DCC: variants seen among roughly 807,000 people sequenced by gnomAD.
DCC encodes the protein DCC netrin 1 receptor, also known as netrin receptor DCC.
In DCC, 58 loss-of-function variants were observed where a neutral mutation model predicts 172.5. That is an observed-to-expected ratio of 0.34 (90% CI 0.27 to 0.42). The LOEUF (loss-of-function observed/expected upper bound fraction) is 0.42. Among genes scored for constraint, DCC ranks in the 10% least tolerant of loss-of-function variants. The pLI, the probability that DCC is intolerant of heterozygous loss-of-function variation, is 1.00. For synonymous variants in DCC, 709 were observed against 644.5 expected, an observed-to-expected ratio of 1.10 and a Z score of -1.52; for missense variants, 1,740 against 1,791.0, an observed-to-expected ratio of 0.97 and a Z score of 0.51.
rs75177260 is a variant in DCC, at chr18:52,860,329, G to T, written c.413-45715G>T. On this transcript the variant is annotated intron_variant, in intron 2 of 28. Transcript: ENST00000442544. ...TTTCTCCCAACATTTATATCAAGTT[G>T]TGTAGCTTCAGTGTGCAGAGCTTCA... 1.3e-3 allele frequency among the ~76,000 whole-genome samples: 198 copies of T among 152,310 alleles called. 1 individual carries two copies. The East Asian group carries it at 0.036, about 27-fold the overall frequency.
intron 2 of DCC, among the ~76,000 whole-genome samples, chr18:52,901,868 T>G (rs75449839): frequency 0.048 from 7,367 of 152,308 alleles, 213 homozygotes; most frequent in Non-Finnish European, 0.062. Context: ...AACATCCACA[T>G]GAATGTAGAA....
At chr18:53,001,452 A>G (rs1430710818) in intron 5 of DCC, among the ~76,000 whole-genome samples, 7 of 152,120 alleles carry the variant, frequency 4.6e-5, no homozygotes, top group Non-Finnish European at 8.8e-5. Context: ...TCATAACCTC[A>G]TCAAGACCTT....
intron 27 of DCC, among the ~76,000 whole-genome samples, chr18:53,524,214 A>G (rs570681624): frequency 2.6e-4 from 40 of 152,064 alleles, no homozygotes; most frequent in Non-Finnish European, 5.0e-4. Flanking sequence ...TAATGTATAT[A>G]CATGTATCAA....
chr18:53,162,142 T>C (rs2088345829), intron 8 of DCC, among the ~76,000 whole-genome samples: 1 of 151,884 alleles, frequency 6.6e-6, no homozygotes, highest in South Asian at 2.1e-4. Flanking sequence ...CCACTAAACA[T>C]ACAAAAATTA....
chr18:53,071,996 C>T (rs913378802), intron 7 of DCC, among the ~76,000 whole-genome samples: 2 of 152,026 alleles, frequency 1.3e-5, no homozygotes, highest in African/African-American at 4.8e-5. Flanking sequence ...GGCATGGTGA[C>T]ACATGCCTGT....
rs766349062 is a variant in DCC, at chr18:53,526,597, C to T, written c.4112-20C>T. 11 of 1,612,554 alleles carry T rather than the reference C, an allele frequency of 6.8e-6. No homozygotes were observed. The South Asian group carries it at 9.9e-5, about 14-fold the overall frequency. ...AGAATGTTTTCTACATTACTTTCATCACTGTGTTTTCTATTTCAGGGCCCA... is the reference window on the plus strand; with the variant it reads ...AGAATGTTTTCTACATTACTTTCATTACTGTGTTTTCTATTTCAGGGCCCA... On this transcript the variant is annotated intron_variant, in intron 27 of 28. Coordinates refer to ENST00000442544, the MANE Select transcript of DCC (RefSeq NM_005215.4).
intron 1 of DCC, among the ~76,000 whole-genome samples, chr18:52,481,515 C>G (rs2029959804): frequency 6.6e-6 from 1 of 152,042 alleles, no homozygotes; most frequent in African/African-American, 2.4e-5. Flanking sequence ...GGCAAAGACT[C>G]AACACCAAAA....
At chr18:52,522,575 C>T (rs1345324808) in intron 1 of DCC, among the ~76,000 whole-genome samples, 1 of 152,156 alleles carries the variant, frequency 6.6e-6, no homozygotes, top group African/African-American at 2.4e-5. Context: ...TCAAAAGTAT[C>T]CTATTTTTAT....
chr18:53,110,218 T>A (rs1335062495), intron 7 of DCC, among the ~76,000 whole-genome samples: 1 of 151,614 alleles, frequency 6.6e-6, no homozygotes, highest in African/African-American at 2.4e-5. Flanking sequence ...TGCTCCTCAG[T>A]TTTTCAGCTG....
chr18:52,684,261 A>G (rs1485823668), intron 1 of DCC, among the ~76,000 whole-genome samples: 2 of 152,132 alleles, frequency 1.3e-5, no homozygotes, highest in Non-Finnish European at 2.9e-5. Context: ...CATGCATTGA[A>G]GCAGTGAATA....
At chr18:53,065,864 A>G (rs2042558447) in intron 6 of DCC, among the ~76,000 whole-genome samples, 182 bp from the exon 7 acceptor site, 1 of 152,232 alleles carries the variant, frequency 6.6e-6, no homozygotes, top group Non-Finnish European at 1.5e-5. Context: ...AGAAAAGAAA[A>G]TTGGGAAGGT....
At chr18:52,560,171 G>A (rs891713311) in intron 1 of DCC, among the ~76,000 whole-genome samples, 1 of 152,152 alleles carries the variant, frequency 6.6e-6, no homozygotes, top group Non-Finnish European at 1.5e-5. Flanking sequence ...TTCTGGCTGT[G>A]GGCGCATGAT....
chr18:52,443,988 ATC>A (rs1218370094), intron 1 of DCC, among the ~76,000 whole-genome samples: 1 of 152,154 alleles, frequency 6.6e-6, no homozygotes, highest in Non-Finnish European at 1.5e-5. Context: ...GATTTATAGA[ATC>A]TGGCTGCTGA....
chr18:52,812,945 C>T, intron 2 of DCC, among the ~76,000 whole-genome samples: 1 of 152,166 alleles, frequency 6.6e-6, no homozygotes, highest in East Asian at 1.9e-4. Context: ...GGCAGAAACC[C>T]TAGTCTCCCA....
At chr18:53,466,751 C>T (rs1328472733) in intron 24 of DCC, among the ~76,000 whole-genome samples, 1 of 152,148 alleles carries the variant, frequency 6.6e-6, no homozygotes. Context: ...GTCTCGAACT[C>T]CTGACCTCAA....
At chr18:53,441,937 C>T (rs2145131697) in intron 22 of DCC, among the ~76,000 whole-genome samples, 1 of 152,278 alleles carries the variant, frequency 6.6e-6, no homozygotes, top group East Asian at 1.9e-4. Flanking sequence ...CCTCTTATGC[C>T]ATTATCCCTT....
chr18:52,552,823 A>G (rs898465627), intron 1 of DCC, among the ~76,000 whole-genome samples: 1 of 151,962 alleles, frequency 6.6e-6, no homozygotes, highest in Non-Finnish European at 1.5e-5. Flanking sequence ...TAAAGAAATA[A>G]ATGGGCTAAA....
intron 1 of DCC, among the ~76,000 whole-genome samples, chr18:52,653,042 T>A (rs1157249432): frequency 6.6e-6 from 1 of 152,168 alleles, no homozygotes; most frequent in African/African-American, 2.4e-5. Flanking sequence ...TCTTTGAACA[T>A]GGTAGTCACT....
intron 1 of DCC, among the ~76,000 whole-genome samples, chr18:52,532,667 T>G: frequency 6.6e-6 from 1 of 152,076 alleles, no homozygotes; most frequent in Non-Finnish European, 1.5e-5. Flanking sequence ...AGGGAACAAA[T>G]TTATTGTCCA....
Sources: allele counts gnomAD v4.1 joint callset (sites outside exome capture counted in the v4.1 genomes callset), GRCh38; gene constraint gnomAD v4.1.1; transcripts MANE v1.5; gene names NCBI Gene and HGNC (gene_info 2026-07-23, HGNC 2026-07-21).